The following NEO1 variants were observed in gnomAD, a reference collection of about 807,000 sequenced individuals.
The protein encoded by NEO1 is neogenin 1, also known as neogenin.
NEO1 carries 63 observed loss-of-function variants against 159.7 expected under a neutral mutation model. The observed-to-expected ratio is 0.39, with a 90% confidence interval of 0.32 to 0.49. The LOEUF (loss-of-function observed/expected upper bound fraction) is 0.49, where lower values mean the gene tolerates loss of function less well. Among genes scored for constraint, NEO1 ranks in the 20% least tolerant of loss-of-function variants. The pLI is 0.85. For missense variants in NEO1, 1,615 were observed against 1,831.0 expected (o/e 0.88, Z 2.15); for synonymous variants, 633 against 662.0 (o/e 0.96, Z 0.67).
At chr15:73,207,973 A>G (rs1281765235) in intron 7 of NEO1, among the ~76,000 whole-genome samples, 1 of 152,224 alleles carries the variant, frequency 6.6e-6, no homozygotes, top group Non-Finnish European at 1.5e-5. Context: ...ACTTACGTCA[A>G]TAAAGATATC....
intron 5 of NEO1, among the ~76,000 whole-genome samples, chr15:73,144,173 TC>T (rs1328597367): frequency 6.6e-6 from 1 of 152,242 alleles, no homozygotes; most frequent in Non-Finnish European, 1.5e-5. Flanking sequence ...TGAAAGTTAT[TC>T]TGGAGGAAGA....
At chr15:73,130,327 AC>A (rs2030947345) in intron 4 of NEO1, among the ~76,000 whole-genome samples, 1 of 143,632 alleles carries the variant, frequency 7.0e-6, no homozygotes, top group East Asian at 2.0e-4. Context: ...GCCGCATAAG[AC>A]CCTTTCAGGA....
chr15:73,116,007 A>G (rs950872097), intron 1 of NEO1, among the ~76,000 whole-genome samples: 2 of 152,214 alleles, frequency 1.3e-5, no homozygotes, highest in Non-Finnish European at 2.9e-5. Context: ...AATATTATAA[A>G]GTCAAATGGA....
intron 1 of NEO1, among the ~76,000 whole-genome samples, chr15:73,113,495 C>G (rs1404180508): frequency 6.6e-6 from 1 of 152,110 alleles, no homozygotes; most frequent in African/African-American, 2.4e-5. Flanking sequence ...CAGAGAACTC[C>G]CAGGGTCATT....
chr15:73,160,740 C>G (rs1381964015), intron 5 of NEO1, among the ~76,000 whole-genome samples: 4 of 152,142 alleles, frequency 2.6e-5, no homozygotes, highest in African/African-American at 9.7e-5. Flanking sequence ...TTTCCATGTC[C>G]TCTCTGGGAA....
chr15:73,174,406 T>C (rs1401973176), intron 5 of NEO1, among the ~76,000 whole-genome samples: 2 of 152,096 alleles, frequency 1.3e-5, no homozygotes, highest in Admixed American at 1.3e-4. Flanking sequence ...AGCCGAAAAT[T>C]GCCCACTGGG....
At chr15:73,301,248 G>A in intron 27 of NEO1, 73 bp from the exon 28 acceptor site, 8 of 1,592,190 alleles carry the variant, frequency 5.0e-6, no homozygotes, top group Non-Finnish European at 6.9e-6. Flanking sequence ...AGCAGCACTT[G>A]GACCTTAGGG....
At chr15:73,260,846 A>AT (rs993505028) in intron 15 of NEO1, among the ~76,000 whole-genome samples, 1 of 152,032 alleles carries the variant, frequency 6.6e-6, no homozygotes, top group Admixed American at 6.6e-5. Context: ...TAAAATTGTT[A>AT]TTTTTTTCCT....
At chr15:73,082,560 A>G (rs1226773728) in intron 1 of NEO1, among the ~76,000 whole-genome samples, 1 of 152,206 alleles carries the variant, frequency 6.6e-6, no homozygotes, top group Non-Finnish European at 1.5e-5. Context: ...AAACAGTAAG[A>G]TGAAGTTCAC....
At chr15:73,188,007 C>T (rs1567428575) in intron 7 of NEO1, among the ~76,000 whole-genome samples, 1 of 152,274 alleles carries the variant, frequency 6.6e-6, no homozygotes, top group East Asian at 1.9e-4. Flanking sequence ...CTGCCTTTCT[C>T]CTACCAAATC....
rs10623334 is a variant in NEO1, at chr15:73,257,132, C to CAAAAAAAAAAAAAAAA, written c.2093-1628_2093-1613dup. 6.8e-4 allele frequency among the ~76,000 whole-genome samples: 37 copies of CAAAAAAAAAAAAAAAA among 54,764 alleles called. 1 individual carries two copies. The highest frequency in any genetic ancestry group is 1.9e-3 in the African/African-American group (33 of 17,174). 35.9% of individuals were successfully genotyped at this position (54,764 alleles called of 152,430 possible). On this transcript the variant is annotated intron_variant, in intron 13 of 28. Transcript: ENST00000261908. ...GGGCAACAGAGAGAGACTCTGTCTC[C>CAAAAAAAAAAAAAAAA]AAAAAAAAAAAAAAAAAAAAAGTTT...
At chr15:73,151,119 C>T (rs2033336217) in intron 5 of NEO1, among the ~76,000 whole-genome samples, 1 of 152,142 alleles carries the variant, frequency 6.6e-6, no homozygotes, top group African/African-American at 2.4e-5. Context: ...TTAGTGGTGT[C>T]AGTCATTTTA....
intron 23 of NEO1, 30 bp from the exon 24 acceptor site, chr15:73,288,283 T>G: frequency 6.3e-7 from 1 of 1,585,610 alleles, no homozygotes; most frequent in South Asian, 1.1e-5. Context: ...TGAGTTACTT[T>G]TTAAAAGCTC....
chr15:73,081,015 A>G (rs1019703460), intron 1 of NEO1, among the ~76,000 whole-genome samples: 10 of 152,382 alleles, frequency 6.6e-5, no homozygotes, highest in South Asian at 2.1e-4. Context: ...TGAAAAGTCA[A>G]TTTCATAATT....
intron 22 of NEO1, among the ~76,000 whole-genome samples, chr15:73,280,254 C>T (rs1003338331): frequency 6.6e-6 from 1 of 151,640 alleles, no homozygotes; most frequent in Admixed American, 6.6e-5. Flanking sequence ...CCACTGCACT[C>T]CAGCCTGGGC....
chr15:73,273,054 T>TA (rs2041247260), intron 19 of NEO1, among the ~76,000 whole-genome samples: 1 of 151,318 alleles, frequency 6.6e-6, no homozygotes, highest in East Asian at 1.9e-4. Flanking sequence ...CCTGTGCTCT[T>TA]ATAATTAGAG....
intron 19 of NEO1, 118 bp from the exon 20 acceptor site, chr15:73,273,693 A>G (rs1410876946): frequency 1.4e-6 from 1 of 733,806 alleles, no homozygotes; most frequent in African/African-American, 1.8e-5. Flanking sequence ...CCTTGAGGGT[A>G]CATTATTCAA....
intron 7 of NEO1, among the ~76,000 whole-genome samples, chr15:73,222,559 T>C (rs1026356116): frequency 2.0e-5 from 3 of 152,156 alleles, no homozygotes; most frequent in Admixed American, 2.0e-4. Context: ...TTCATAGTAG[T>C]CTTGAATGAT....
chr15:73,299,457 C>T (rs934490807), intron 27 of NEO1, among the ~76,000 whole-genome samples: 3 of 151,608 alleles, frequency 2.0e-5, no homozygotes, highest in African/African-American at 7.3e-5. Context: ...GCAATCTCGG[C>T]TCACTGCAAG....
Sources: gnomAD v4.1 joint callset for allele counts (sites outside exome capture counted in the v4.1 genomes callset) on GRCh38, gnomAD v4.1.1 for gene constraint, MANE v1.5 for transcripts, NCBI Gene and HGNC (gene_info 2026-07-23, HGNC 2026-07-21) for gene names.